The following IMMP2L variants were observed in gnomAD, a reference collection of about 807,000 sequenced individuals.
IMMP2L encodes the protein mitochondrial inner membrane protease subunit 2.
Under a neutral mutation model 19.3 loss-of-function variants are expected in IMMP2L, and 18 were observed. The observed-to-expected ratio is 0.93, with a 90% CI of 0.64 to 1.38. IMMP2L has a LOEUF of 1.38. Among genes scored for constraint, IMMP2L ranks in the 40% most tolerant of loss-of-function variants. The pLI, the probability that IMMP2L is intolerant of heterozygous loss-of-function variation, is 0.00. For synonymous variants in IMMP2L, 76 were observed against 73.0 expected (o/e 1.04, Z -0.21); for missense variants, 233 against 218.2 (o/e 1.07, Z -0.43).
intron 3 of IMMP2L, among the ~76,000 whole-genome samples, chr7:111,049,654 GCTCT>G (rs1792814869): frequency 6.6e-6 from 1 of 151,890 alleles, no homozygotes; most frequent in African/African-American, 2.4e-5. Flanking sequence ...TATTAAATTG[GCTCT>G]CTTTGTCCTA....
chr7:110,697,613 C>A (rs1793982525), intron 5 of IMMP2L, among the ~76,000 whole-genome samples: 1 of 152,018 alleles, frequency 6.6e-6, no homozygotes, highest in East Asian at 1.9e-4. Context: ...GACCAGCCTG[C>A]ACAACATAGT....
intron 5 of IMMP2L, among the ~76,000 whole-genome samples, chr7:110,864,143 A>C (rs190250247): frequency 2.0e-5 from 3 of 152,286 alleles, no homozygotes; most frequent in Admixed American, 2.0e-4. Flanking sequence ...TCCATGTTTC[A>C]AAAGTTTCTA....
rs531273858 is a variant in IMMP2L, at chr7:111,364,315, C to T, written c.239+122923G>A. 4.6e-5 allele frequency among the ~76,000 whole-genome samples: 7 copies of T among 152,066 alleles called. No homozygotes were observed. The South Asian group carries it at 1.2e-3, about 27-fold the overall frequency. On this transcript the variant is annotated intron_variant, in intron 3 of 5. Coordinates refer to ENST00000405709, the MANE Select transcript of IMMP2L (RefSeq NM_032549.4). ...TGTTCTTATGTCATCTGCTAGTTAT[C>T]ATTTTACTTTTATTTTGGTTTAAAA...
At chr7:110,921,095 T>C (rs1462006317) in intron 4 of IMMP2L, among the ~76,000 whole-genome samples, 1 of 152,236 alleles carries the variant, frequency 6.6e-6, no homozygotes, top group Non-Finnish European at 1.5e-5. Flanking sequence ...TCATGTTGAA[T>C]AATATTTATT....
At chr7:111,211,388 A>G (rs572381211) in intron 3 of IMMP2L, among the ~76,000 whole-genome samples, 1 of 152,320 alleles carries the variant, frequency 6.6e-6, no homozygotes, top group South Asian at 2.1e-4. Context: ...AAAAAAAGGA[A>G]AGACATAAGA....
At chr7:110,726,301 C>T (rs1795879241) in intron 5 of IMMP2L, among the ~76,000 whole-genome samples, 1 of 152,140 alleles carries the variant, frequency 6.6e-6, no homozygotes, top group Admixed American at 6.5e-5. Flanking sequence ...CTCCTTTCTT[C>T]CCACCATATG....
chr7:111,033,627 A>G (rs1791050429), intron 3 of IMMP2L, among the ~76,000 whole-genome samples: 1 of 152,224 alleles, frequency 6.6e-6, no homozygotes, highest in Admixed American at 6.5e-5. Context: ...AATATTACTC[A>G]GCAATAAAAA....
chr7:110,704,200 G>A (rs1794487857), intron 5 of IMMP2L, among the ~76,000 whole-genome samples: 1 of 152,106 alleles, frequency 6.6e-6, no homozygotes, highest in Non-Finnish European at 1.5e-5. Flanking sequence ...AAGGAAAATT[G>A]TCAACATAAC....
At chr7:111,161,978 G>A (rs1027823525) in intron 3 of IMMP2L, among the ~76,000 whole-genome samples, 2 of 151,940 alleles carry the variant, frequency 1.3e-5, no homozygotes, top group African/African-American at 2.4e-5. Flanking sequence ...GCTGAACTCC[G>A]TAATATGTGA....
intron 3 of IMMP2L, among the ~76,000 whole-genome samples, chr7:111,319,597 T>A (rs189951379): frequency 1.1e-4 from 17 of 152,202 alleles, no homozygotes; most frequent in Middle Eastern, 3.4e-3. Context: ...TAAATCAATT[T>A]TATATGTTTG....
At chr7:111,517,326 T>C (rs1386525999) in intron 2 of IMMP2L, among the ~76,000 whole-genome samples, 3 of 152,030 alleles carry the variant, frequency 2.0e-5, no homozygotes, top group Non-Finnish European at 4.4e-5. Context: ...GCATACATTA[T>C]CTCTAAGGTC....
Position 110,769,290 on chromosome 7 carries a change from A to T in IMMP2L, c.409-105569T>A, listed in dbSNP as rs111307116. 7.2e-3 allele frequency among the ~76,000 whole-genome samples: 1,091 copies of T among 152,244 alleles called. 8 individuals carry two copies. The highest frequency in any genetic ancestry group is 0.014 in the Middle Eastern group (4 of 294). Reference sequence around the variant, plus strand: ...CTCTTAAACATCCACATTCACTTCCATGCCATTTTGCATTCATCTGGCATA... The same window carrying T: ...CTCTTAAACATCCACATTCACTTCCTTGCCATTTTGCATTCATCTGGCATA... On this transcript the variant is annotated intron_variant, in intron 5 of 5. Coordinates refer to ENST00000405709, the MANE Select transcript of IMMP2L (RefSeq NM_032549.4).
chr7:111,414,577 T>C (rs1585010228), intron 3 of IMMP2L, among the ~76,000 whole-genome samples: 1 of 151,996 alleles, frequency 6.6e-6, no homozygotes, highest in South Asian at 2.1e-4. Context: ...CTATTCTGTA[T>C]GATATCACAA....
At chr7:111,315,590 C>A (rs529458447) in intron 3 of IMMP2L, among the ~76,000 whole-genome samples, 1 of 152,000 alleles carries the variant, frequency 6.6e-6, no homozygotes, top group African/African-American at 2.4e-5. Flanking sequence ...TCCTTTCTAC[C>A]ACAGCTTCAG....
chr7:110,945,071 T>C (rs1817115127), intron 4 of IMMP2L, among the ~76,000 whole-genome samples: 1 of 151,844 alleles, frequency 6.6e-6, no homozygotes, highest in Non-Finnish European at 1.5e-5. Flanking sequence ...GAAGGTGCTT[T>C]CTACAAAGGC....
intron 3 of IMMP2L, among the ~76,000 whole-genome samples, chr7:111,148,153 A>C (rs1461658411): frequency 6.6e-6 from 1 of 152,144 alleles, no homozygotes; most frequent in African/African-American, 2.4e-5. Flanking sequence ...GTACATCTAT[A>C]CAATGGAATT....
In IMMP2L at chr7:110,870,479, G is replaced by A. The variant is rs533369776; in HGVS notation, c.408+16114C>T. 6.6e-6 allele frequency among the ~76,000 whole-genome samples: 1 copy of A among 152,210 alleles called. No individual in the cohort carries two copies. The highest frequency in any genetic ancestry group is 1.9e-4 in the East Asian group (1 of 5,172). On this transcript the variant is annotated intron_variant, in intron 5 of 5. Coordinates refer to ENST00000405709, the MANE Select transcript of IMMP2L (RefSeq NM_032549.4). The surrounding 1 kb of genome is among the most constrained non-coding windows in gnomAD (Gnocchi z 4.2). ...TCATGAAGCTCAATTTTCTATTGGAGGAGATAAAAATATAAACATGAATAA... is the reference window on the plus strand; with the variant it reads ...TCATGAAGCTCAATTTTCTATTGGAAGAGATAAAAATATAAACATGAATAA...
chr7:111,451,496 G>A (rs1296453558), intron 3 of IMMP2L, among the ~76,000 whole-genome samples: 1 of 144,930 alleles, frequency 6.9e-6, no homozygotes, highest in Non-Finnish European at 1.5e-5. Context: ...CTCACTCATA[G>A]GTGGGAATTG....
chr7:110,941,261 C>T (rs1187389853), intron 4 of IMMP2L, among the ~76,000 whole-genome samples: 1 of 152,136 alleles, frequency 6.6e-6, no homozygotes, highest in African/African-American at 2.4e-5. Context: ...AGTATATCAG[C>T]TGAAGCACCA....
Sources: allele counts gnomAD v4.1 joint callset (sites outside exome capture counted in the v4.1 genomes callset), GRCh38; gene constraint gnomAD v4.1.1; non-coding constraint Gnocchi (gnomAD v3.1); transcripts MANE v1.5; gene names NCBI Gene and HGNC (gene_info 2026-07-23, HGNC 2026-07-21).